The following DOCK2 variants were observed in gnomAD, a reference collection of about 807,000 sequenced individuals.
The protein encoded by DOCK2 is dedicator of cytokinesis protein 2.
DOCK2 carries 87 observed loss-of-function variants against 248.9 expected under a neutral mutation model. That is an observed-to-expected ratio of 0.35 (90% CI 0.29 to 0.42). DOCK2 has a LOEUF of 0.42. Among genes scored for constraint, DOCK2 ranks in the 10% least tolerant of loss-of-function variants. The pLI is 1.00. For missense variants in DOCK2, 1,747 were observed against 2,300.2 expected (o/e 0.76, Z 4.92); for synonymous variants, 805 against 821.6 (o/e 0.98, Z 0.35).
At chr5:169,928,880 C>T (rs1221906922) in intron 27 of DOCK2, among the ~76,000 whole-genome samples, 1 of 152,184 alleles carries the variant, frequency 6.6e-6, no homozygotes, top group Non-Finnish European at 1.5e-5. Context: ...TCACTCTATG[C>T]CCTGGGTGTT....
At chr5:170,060,245 G>A (rs1273245681) in intron 44 of DOCK2, among the ~76,000 whole-genome samples, 1 of 152,164 alleles carries the variant, frequency 6.6e-6, no homozygotes, top group Non-Finnish European at 1.5e-5. Flanking sequence ...GGTCACTAAT[G>A]AGCTATGTAT....
chr5:169,645,177 C>T (rs1757387113), intron 1 of DOCK2, among the ~76,000 whole-genome samples: 2 of 152,060 alleles, frequency 1.3e-5, no homozygotes, highest in African/African-American at 4.8e-5. Context: ...GATTGCTGGG[C>T]CAAATGGTAT....
At chr5:170,069,251 G>C in intron 46 of DOCK2, 31 bp downstream of exon 46, 1 of 1,609,126 alleles carries the variant, frequency 6.2e-7, no homozygotes, top group Non-Finnish European at 8.5e-7. Flanking sequence ...GGAGCATGCT[G>C]CTCTCCTTCC....
chr5:169,687,643 C>T (rs528198120), intron 8 of DOCK2, among the ~76,000 whole-genome samples: 1 of 152,172 alleles, frequency 6.6e-6, no homozygotes. Context: ...AATCTGATGA[C>T]TCAACTCAGC....
At chr5:169,804,712 A>T (rs2113143066) in intron 26 of DOCK2, among the ~76,000 whole-genome samples, 1 of 152,340 alleles carries the variant, frequency 6.6e-6, no homozygotes, top group South Asian at 2.1e-4. Context: ...CATAGACTTC[A>T]TTAGCATTCA....
At chr5:169,727,347 TCA>T (rs1762538010) in intron 22 of DOCK2, among the ~76,000 whole-genome samples, 1 of 152,132 alleles carries the variant, frequency 6.6e-6, no homozygotes, top group South Asian at 2.1e-4. Context: ...TGACTCCAGG[TCA>T]CACTCTAGAT....
In DOCK2 at chr5:170,050,581, A is replaced by G. The variant is rs191470294; in HGVS notation, c.4213+184A>G. 2.7e-3 allele frequency among the ~76,000 whole-genome samples: 416 copies of G among 152,296 alleles called. 1 individual carries two copies. Among genetic ancestry groups the G allele is most frequent in the Non-Finnish European group, 5.1e-3 (345 of 68,020 alleles). On this transcript the variant is annotated intron_variant, in intron 41 of 51. Coordinates refer to ENST00000520908, the MANE Select transcript of DOCK2 (RefSeq NM_004946.3). ...CTTTGGATCCTTTTCTGGACTCTTC[A>G]TGATCCTGGCATCTTGAGCTCTGTT... is the stretch of plus-strand genomic sequence containing the variant.
At chr5:169,695,588 T>C (rs1760568984) in intron 9 of DOCK2, among the ~76,000 whole-genome samples, 1 of 152,242 alleles carries the variant, frequency 6.6e-6, no homozygotes, top group Admixed American at 6.5e-5. Context: ...ACTAGAGTTT[T>C]ATCACTCATT....
At chr5:169,977,288 G>A (rs922943630) in intron 27 of DOCK2, among the ~76,000 whole-genome samples, 3 of 152,230 alleles carry the variant, frequency 2.0e-5, no homozygotes, top group Admixed American at 1.3e-4. Flanking sequence ...ATCCCAAGCT[G>A]TGATTGGGAG....
chr5:169,861,934 TTTTC>T (rs1223066625), intron 27 of DOCK2, among the ~76,000 whole-genome samples: 54 of 128,044 alleles, frequency 4.2e-4, no homozygotes, highest in African/African-American at 6.6e-4. Flanking sequence ...TTTTCTTTTC[TTTTC>T]TTTTTTTTTT....
chr5:169,931,577 C>T (rs1451854701), intron 27 of DOCK2, among the ~76,000 whole-genome samples: 1 of 152,168 alleles, frequency 6.6e-6, no homozygotes, highest in Non-Finnish European at 1.5e-5. Context: ...AATTTCATTT[C>T]AGTTACTTAT....
chr5:169,756,199 C>G (rs763404504), intron 23 of DOCK2, among the ~76,000 whole-genome samples: 25 of 152,216 alleles, frequency 1.6e-4, no homozygotes, highest in Non-Finnish European at 3.4e-4. Context: ...CTGAGCAGCC[C>G]CTCCCGCAGC....
rs147868198 is a variant in DOCK2 at position 169,899,615 on chromosome 5, G to A, written c.2799+58763G>A. Among the ~76,000 whole-genome samples, 16 of 152,232 alleles carry A rather than the reference G, an allele frequency of 1.1e-4. 1 individual carries two copies. In the East Asian group the frequency reaches 3.1e-3, roughly 29 times the overall value. On this transcript the variant is annotated intron_variant, in intron 27 of 51. Transcript: ENST00000520908. ...TTGGAGCAGGACTAGGAAGGCCCTG[G>A]GCTTTGAATTGCTTTTGTTCGATGT...
chr5:169,868,535 G>T (rs1771739321), intron 27 of DOCK2, among the ~76,000 whole-genome samples: 1 of 152,178 alleles, frequency 6.6e-6, no homozygotes, highest in African/African-American at 2.4e-5. Flanking sequence ...CAGGTGGGAG[G>T]ATTCCTTGAG....
intron 7 of DOCK2, 150 bp from the exon 8 acceptor site, chr5:169,684,046 A>G: frequency 1.2e-6 from 1 of 836,702 alleles, no homozygotes; most frequent in Non-Finnish European, 1.8e-6. Context: ...AAGCGAATTG[A>G]TTCAGGTTAC....
chr5:169,841,404 C>G, intron 27 of DOCK2: 1 of 987,232 alleles, frequency 1.0e-6, no homozygotes, highest in Non-Finnish European at 1.2e-6. Context: ...GACACAGAAC[C>G]CAGCTCGAAC....
intron 27 of DOCK2, among the ~76,000 whole-genome samples, chr5:169,867,584 A>G (rs539096974): frequency 6.6e-6 from 1 of 151,910 alleles, no homozygotes; most frequent in East Asian, 1.9e-4. Context: ...TCTATCTGTC[A>G]TCTATCGTTA....
intron 6 of DOCK2, among the ~76,000 whole-genome samples, chr5:169,677,904 A>G (rs113746214): frequency 0.016 from 2,458 of 152,302 alleles, 38 homozygotes; most frequent in East Asian, 0.03. Flanking sequence ...GGAGGCATGC[A>G]GGAGCTGTGT....
chr5:169,911,626 C>T (rs1409418741), intron 27 of DOCK2, among the ~76,000 whole-genome samples: 2 of 152,192 alleles, frequency 1.3e-5, no homozygotes, highest in African/African-American at 4.8e-5. Context: ...AATCAATACT[C>T]ATATTCAATT....
Sources: gnomAD v4.1 joint callset for allele counts (sites outside exome capture counted in the v4.1 genomes callset) on GRCh38, gnomAD v4.1.1 for gene constraint, MANE v1.5 for transcripts, NCBI Gene and HGNC (gene_info 2026-07-23, HGNC 2026-07-21) for gene names.